BRD8: variants seen among roughly 807,000 people sequenced by gnomAD.
BRD8 encodes the protein bromodomain-containing protein 8.
Under a neutral mutation model 143.1 loss-of-function variants are expected in BRD8, and 67 were observed. That is an observed-to-expected ratio of 0.47 (90% CI 0.38 to 0.57). BRD8 has a LOEUF of 0.57. BRD8 is among the 20% of genes least tolerant of loss of function. BRD8 has a pLI of 0.00. For synonymous variants in BRD8, 505 were observed against 517.1 expected (o/e 0.98, Z 0.32); for missense variants, 1,103 against 1,503.0 (o/e 0.73, Z 4.40).
intron 23 of BRD8, 36 bp from the exon 24 acceptor site, chr5:138,145,914 C>T (rs747803564): frequency 4.5e-6 from 7 of 1,550,840 alleles, no homozygotes; most frequent in Middle Eastern, 1.7e-4. Context: ...GAGACAGTAA[C>T]TTCACAAATA....
intron 6 of BRD8, chr5:138,170,612 A>C (rs138664928): frequency 1.8e-4 from 142 of 790,466 alleles, no homozygotes; most frequent in Middle Eastern, 1.1e-3. Context: ...AGCCACTCTT[A>C]AGTTAGAACT....
Position 138,168,009 on chromosome 5 carries a change from C to A in BRD8, c.712G>T (p.Gly238Trp). 6.2e-7 allele frequency: 1 copy of A among 1,613,212 alleles called. No homozygotes were observed. The highest frequency in any genetic ancestry group is 8.5e-7 in the Non-Finnish European group (1 of 1,179,206). ...CCACCATGTATCATGGGAAGGACCC[C>A]GCCTACCTCCAGGAGGACACCTGTA... is the stretch of plus-strand genomic sequence containing the variant. Reference protein sequence around the residue: ...NSTGVLLEVGGVLPMIHGGEI... With the variant: ...NSTGVLLEVGWVLPMIHGGEI... Residue 238 changes from glycine (G) to tryptophan (W), a missense_variant, in exon 9 of 27, where the codon GGG becomes TGG. This residue lies in a region of BRD8 where 334 missense variants were observed against 372.5 expected (regional missense o/e 0.90). Transcript: ENST00000254900.
chr5:138,165,861 A>T lies in BRD8; in HGVS notation c.1245T>A (p.Thr415=). Residue 415 remains threonine, a synonymous_variant, in exon 11 of 27, where the codon ACT becomes ACA. Coordinates refer to ENST00000254900, the MANE Select transcript of BRD8 (RefSeq NM_139199.2). ...SYTGEELDFE[T]VGDIIAIIED... is the part of the protein sequence containing the mutation. ...CAATGATGGCAATGATGTCTCCAAC[A>T]GTCTCAAAATCCAGCTCTTCACCTG... 1 of 1,614,200 alleles carries T rather than the reference A, an allele frequency of 6.2e-7. No individual in the cohort carries two copies. Among genetic ancestry groups the T allele is most frequent in the Non-Finnish European group, 8.5e-7 (1 of 1,180,028 alleles).
chr5:138,163,239 T>C lies in BRD8; in HGVS notation c.1978A>G (p.Asn660Asp). Reference protein sequence around the residue: ...QGEGYLSEMDNEPPVSESDDG... With the variant: ...QGEGYLSEMDDEPPVSESDDG... ...TCACTCTCGCTCACAGGAGGTTCATTATCCATTTCTGACAAGTAGCCTTCT... is the reference window on the plus strand; with the variant it reads ...TCACTCTCGCTCACAGGAGGTTCATCATCCATTTCTGACAAGTAGCCTTCT... Residue 660 changes from asparagine (N) to aspartate (D), a missense_variant, in exon 15 of 27, where the codon AAT becomes GAT. Asn to Asp is a conservative substitution (Grantham distance 23). This residue lies in a region of BRD8 where 75 missense variants were observed against 111.7 expected (regional missense o/e 0.67). Coordinates refer to ENST00000254900, the MANE Select transcript of BRD8 (RefSeq NM_139199.2). The C allele has an allele frequency of 6.2e-7, 1 of 1,614,120 alleles. No homozygotes were observed. The highest frequency in any genetic ancestry group is 8.5e-7 in the Non-Finnish European group (1 of 1,180,014).
At chr5:138,164,543 G>T in intron 12 of BRD8, 130 bp from the exon 13 acceptor site, 2 of 1,138,986 alleles carry the variant, frequency 1.8e-6, no homozygotes, top group Non-Finnish European at 2.6e-6. Flanking sequence ...GACTCCAATG[G>T]TCACCTTAAC....
intron 20 of BRD8, among the ~76,000 whole-genome samples, chr5:138,154,983 CCAT>C (rs1752523044): frequency 1.3e-5 from 2 of 151,934 alleles, no homozygotes. Flanking sequence ...GCGCCCACCA[CCAT>C]GCCTGGCCAA....
At position 138,148,159 on chromosome 5, in the gene BRD8, GAAAAAAAAAAAA is replaced by G. The variant is rs764280222; in HGVS notation, c.3278+1469_3278+1480del. On this transcript the variant is annotated intron_variant, in intron 23 of 26. Coordinates refer to ENST00000254900, the MANE Select transcript of BRD8 (RefSeq NM_139199.2). Reference sequence around the variant, plus strand: ...TACACTAACAATAGCTGATGAGCTGGAAAAAAAAAAAAAAAAAGAAAAAAAAAAGGGAAAAAA... The same window carrying G: ...TACACTAACAATAGCTGATGAGCTGGAAAAAGAAAAAAAAAAGGGAAAAAA... Among the ~76,000 whole-genome samples the G allele has an allele frequency of 7.1e-3, 521 of 73,662 alleles. 2 individuals are homozygous for G. Among genetic ancestry groups the G allele is most frequent in the African/African-American group, 0.027 (486 of 17,718 alleles). The allele number at this position is 73,662 out of a possible 152,430, so 48.3% of individuals were successfully genotyped here.
At chr5:138,163,944 T>C in intron 14 of BRD8, 143 bp downstream of exon 14, 1 of 961,916 alleles carries the variant, frequency 1.0e-6, no homozygotes, top group African/African-American at 1.6e-5. Context: ...ATTATGCCTG[T>C]CTACTGCAGC....
intron 14 of BRD8, 36 bp from the exon 15 acceptor site, chr5:138,163,380 C>T: frequency 6.2e-7 from 1 of 1,600,760 alleles, no homozygotes; most frequent in Non-Finnish European, 8.6e-7. Context: ...CAAATGCAAG[C>T]AAAGCTATCC....
In BRD8 at chr5:138,164,092, T is replaced by C; in HGVS notation, c.1867A>G (p.Ile623Val). The change falls in exon 14 of 27, where the codon ATA becomes GTA. Residue 623 changes from isoleucine to valine, a missense_variant. Physicochemically the swap from Ile to Val is conservative, Grantham distance 29 (BLOSUM62 3). This residue lies in a region of BRD8 where 75 missense variants were observed against 111.7 expected (regional missense o/e 0.67). Transcript: ENST00000254900. The stretch of plus-strand genomic sequence containing the variant: ...TAAAGAAAAGTCTGAAATACCTTTA[T>C]CTGGCTTCCAAAAATAGTCCCTGAT... The part of the protein sequence containing the change: ...EESGTIFGSQ[I>V]KDAPGEDEEE... 6.2e-7 allele frequency: 1 copy of C among 1,613,996 alleles called. No homozygotes were observed. The highest frequency in any genetic ancestry group is 1.1e-5 in the South Asian group (1 of 91,080).
In BRD8 at chr5:138,140,995, A is replaced by G. The variant is rs919676684; in HGVS notation, c.3438-113T>C. Reference sequence around the variant, plus strand: ...GTTCTTAATGAAAACAGTAGCAAAGATAACAACCCTCATCAGATAATAAAA... The same window carrying G: ...GTTCTTAATGAAAACAGTAGCAAAGGTAACAACCCTCATCAGATAATAAAA... On this transcript the variant is annotated intron_variant, in intron 25 of 26. Transcript: ENST00000254900. The G allele has an allele frequency of 1.2e-5, 13 of 1,092,306 alleles. No homozygotes were observed. The African/African-American group carries it at 1.2e-4, about 10-fold the overall frequency. 67.7% of individuals were successfully genotyped at this position (1,092,306 alleles called of 1,614,324 possible). A position where few individuals can be genotyped will look rare whatever the true frequency, so the allele number is the denominator to read the frequency against.
chr5:138,158,090 C>T (rs1244091581), intron 20 of BRD8, among the ~76,000 whole-genome samples: 2 of 152,162 alleles, frequency 1.3e-5, no homozygotes, highest in East Asian at 1.9e-4. Flanking sequence ...AGGTGGTAAC[C>T]TTGCATGTGT....
At chr5:138,173,395 CT>C (rs1302220384) in intron 2 of BRD8, among the ~76,000 whole-genome samples, 2 of 69,780 alleles carry the variant, frequency 2.9e-5, no homozygotes, top group African/African-American at 2.4e-4. Flanking sequence ...GAGACTCCAT[CT>C]CAAAAAAAAA....
chr5:138,177,406 G>A (rs1258414700), intron 2 of BRD8, 165 bp downstream of exon 2: 3 of 501,252 alleles, frequency 6.0e-6, no homozygotes, highest in African/African-American at 3.9e-5. Context: ...CCGCACCACT[G>A]CACTCCAGCC....
At chr5:138,159,459 A>T in intron 20 of BRD8, 96 bp downstream of exon 20, 1 of 1,292,812 alleles carries the variant, frequency 7.7e-7, no homozygotes, top group Non-Finnish European at 1.1e-6. Flanking sequence ...AGACACTGCC[A>T]CAGTCTGCAT....
intron 11 of BRD8, 62 bp from the exon 12 acceptor site, chr5:138,165,228 G>A: frequency 6.6e-7 from 1 of 1,526,674 alleles, no homozygotes; most frequent in South Asian, 1.2e-5. Context: ...TTCAATTTTT[G>A]TTAGCACCAA....
At position 138,159,910 on chromosome 5, in the gene BRD8, G is replaced by A. The variant is rs1752871256; in HGVS notation, c.2532+159C>T. On this transcript the variant is annotated intron_variant, in intron 19 of 26. Transcript: ENST00000254900. The stretch of plus-strand genomic sequence containing the variant: ...TTCGGTTACAATAGGCTTATTCAAC[G>A]TTTAGATGGGTGCAAACCACCATCA... Among the ~76,000 whole-genome samples, 8 of 152,136 alleles carry A rather than the reference G, an allele frequency of 5.3e-5. No homozygotes were observed. The South Asian group carries it at 1.2e-3, about 24-fold the overall frequency.
chr5:138,150,644 G>A lies in BRD8; in HGVS notation c.3120+101C>T, dbSNP rs931525850. ...TGCTAAATCCAGGATTTGGATCCAGGTAGTTTAACTTTCTGGAGTTAGCCT... is the reference window on the plus strand; with the variant it reads ...TGCTAAATCCAGGATTTGGATCCAGATAGTTTAACTTTCTGGAGTTAGCCT... On this transcript the variant is annotated intron_variant, in intron 22 of 26. Transcript: ENST00000254900. 6.3e-5 allele frequency: 82 copies of A among 1,309,226 alleles called. 1 individual carries two copies. The highest frequency in any genetic ancestry group is 8.3e-5 in the Non-Finnish European group (80 of 961,216). 81.1% of individuals were successfully genotyped at this position (1,309,226 alleles called of 1,614,324 possible). A position where few individuals can be genotyped will look rare whatever the true frequency, so the allele number is the denominator to read the frequency against.
At position 138,164,797 on chromosome 5, in the gene BRD8, T is replaced by C; in HGVS notation, c.1648A>G (p.Ser550Gly). The stretch of plus-strand genomic sequence containing the variant: ...TCAACAATCTCTCCAGCTGCAGTAC[T>C]TCCCAGTTCCTCATCTAAGTCCTGA... ...RSQDLDEELGSTAAGEIVEAD... is the reference protein window; with the variant it reads ...RSQDLDEELGGTAAGEIVEAD... Residue 550 changes from serine to glycine, a missense_variant, in exon 12 of 27, where the codon AGT becomes GGT. This residue lies in a region of BRD8 where 139 missense variants were observed against 139.0 expected (regional missense o/e 1.00). Coordinates refer to ENST00000254900, the MANE Select transcript of BRD8 (RefSeq NM_139199.2). 6.2e-7 allele frequency: 1 copy of C among 1,614,214 alleles called. No individual in the cohort carries two copies. The highest frequency in any genetic ancestry group is 1.1e-5 in the South Asian group (1 of 91,080).
Sources: allele counts gnomAD v4.1 joint callset (sites outside exome capture counted in the v4.1 genomes callset), GRCh38; gene constraint gnomAD v4.1.1; regional missense constraint gnomAD v4.1.1; transcripts MANE v1.5; gene names NCBI Gene and HGNC (gene_info 2026-07-23, HGNC 2026-07-21).